CTCFL: variants seen among roughly 807,000 people sequenced by gnomAD.
CTCFL encodes the protein transcriptional repressor CTCFL.
A neutral mutation model predicts 67.4 loss-of-function variants in CTCFL; 36 were observed. That is an observed-to-expected ratio of 0.53 (90% CI 0.41 to 0.71). The LOEUF (loss-of-function observed/expected upper bound fraction) is 0.71, where lower values mean the gene tolerates loss of function less well. Ranked by LOEUF, CTCFL falls within the 30% of genes least tolerant of loss-of-function variation. CTCFL has a pLI of 0.00. For missense variants in CTCFL, 786 were observed against 835.2 expected, an observed-to-expected ratio of 0.94 and a Z score of 0.73; for synonymous variants, 324 against 302.3, an observed-to-expected ratio of 1.07 and a Z score of -0.75.
Position 57,519,037 on chromosome 20 carries a change from T to C in CTCFL, c.926-146A>G, listed in dbSNP as rs58670502. The C allele has an allele frequency of 5.4e-3, 6,392 of 1,187,716 alleles. 260 individuals carry two copies. In the African/African-American group the frequency reaches 0.086, roughly 16 times the overall value. The allele number at this position is 1,187,716 out of a possible 1,614,324, so 73.6% of individuals were successfully genotyped here. Reference sequence around the variant, plus strand: ...TTAAACTATAAATACCACAGATGCATGTGAGAAAAATCTTTGTAACAGTAT... The same window carrying C: ...TTAAACTATAAATACCACAGATGCACGTGAGAAAAATCTTTGTAACAGTAT... On this transcript the variant is annotated intron_variant, in intron 4 of 10. Coordinates refer to ENST00000243914, the MANE Select transcript of CTCFL (RefSeq NM_001386993.1).
chr20:57,521,738 T>A (rs1263929888), intron 3 of CTCFL, among the ~76,000 whole-genome samples: 3 of 152,174 alleles, frequency 2.0e-5, no homozygotes, highest in Non-Finnish European at 4.4e-5. Context: ...TACTTAGCCA[T>A]TAAAAACGAA....
At position 57,518,904 on chromosome 20, in the gene CTCFL, A is replaced by G; in HGVS notation, c.926-13T>C. Reference sequence around the variant, plus strand: ...TAGGGCCTGGTTCCTGTAAAATCACATAGTTCATACTTTCAAAACAAGACT... The same window carrying G: ...TAGGGCCTGGTTCCTGTAAAATCACGTAGTTCATACTTTCAAAACAAGACT... On this transcript the variant is annotated splice_polypyrimidine_tract_variant and intron_variant, in intron 4 of 10. Transcript: ENST00000243914. 1 of 1,607,552 alleles carries G rather than the reference A, an allele frequency of 6.2e-7. No homozygotes were observed. The highest frequency in any genetic ancestry group is 8.5e-7 in the Non-Finnish European group (1 of 1,175,590).
Position 57,512,685 on chromosome 20 carries a change from G to A in CTCFL, c.1398C>T (p.Val466=), listed in dbSNP as rs1459119209. 2 of 1,614,126 alleles carry A rather than the reference G, an allele frequency of 1.2e-6. No homozygotes were observed. Among genetic ancestry groups the A allele is most frequent in the Non-Finnish European group, 1.7e-6 (2 of 1,180,040 alleles). ...GAATGAGGGCATAGCGTTCATGGAA[G>A]ACAGCAGAACAGTAGCGGCATTTCA... ...AELKCRYCSA[V]FHERYALIQH... The change falls in exon 8 of 11, where the codon GTC becomes GTT. Residue 466 remains valine (V), a synonymous_variant. Coordinates refer to ENST00000243914, the MANE Select transcript of CTCFL (RefSeq NM_001386993.1).
chr20:57,498,220 T>C lies in CTCFL; in HGVS notation c.*330A>G. ...GGCCACCTTGCCAATATCAAGTGAA[T>C]GAATCCATAGGTTTGAGGTGTTACC... is the stretch of plus-strand genomic sequence containing the variant. On this transcript the variant is annotated 3_prime_UTR_variant, in exon 11 of 11. Transcript: ENST00000243914. The C allele has an allele frequency of 9.9e-7, 1 of 1,010,270 alleles. No individual in the cohort carries two copies. 62.6% of individuals were successfully genotyped at this position (1,010,270 alleles called of 1,614,324 possible). A position where few individuals can be genotyped will look rare whatever the true frequency, so the allele number is the denominator to read the frequency against.
rs551726246 is a variant in CTCFL, at chr20:57,517,568, G to A, written c.1059+1190C>T. On this transcript the variant is annotated intron_variant, in intron 5 of 10. Transcript: ENST00000243914. ...GCTGGGATTGCAGGCGTGAGCCACC[G>A]CGCCCGGCCAATTCAAAAGCTTTTT... is the stretch of plus-strand genomic sequence containing the variant. Among the ~76,000 whole-genome samples the A allele has an allele frequency of 5.7e-4, 87 of 152,144 alleles. 1 individual carries two copies. The highest frequency in any genetic ancestry group is 1.1e-3 in the Non-Finnish European group (74 of 67,982).
intron 9 of CTCFL, chr20:57,507,156 G>A: frequency 3.7e-6 from 2 of 540,052 alleles, no homozygotes; most frequent in Non-Finnish European, 4.8e-6. Context: ...AGTGTGGGTG[G>A]GACTTCATGG....
At chr20:57,502,561 G>A (rs988748540) in intron 10 of CTCFL, among the ~76,000 whole-genome samples, 1 of 152,132 alleles carries the variant, frequency 6.6e-6, no homozygotes, top group East Asian at 1.9e-4. Context: ...ATTTGCTTGT[G>A]CCGTAAAAGT....
intron 5 of CTCFL, among the ~76,000 whole-genome samples, chr20:57,517,043 G>A (rs1600670529): frequency 1.3e-5 from 2 of 152,134 alleles, no homozygotes; most frequent in South Asian, 2.1e-4. Context: ...AGGAACACTC[G>A]AGAACAAAAG....
intron 10 of CTCFL, among the ~76,000 whole-genome samples, chr20:57,501,059 T>C (rs1029335318): frequency 2.0e-5 from 3 of 152,266 alleles, no homozygotes; most frequent in Non-Finnish European, 4.4e-5. Context: ...TGGGTCAAAT[T>C]TCACCGGTCT....
chr20:57,508,934 A>T, intron 8 of CTCFL, 146 bp from the exon 9 acceptor site: 1 of 759,854 alleles, frequency 1.3e-6, no homozygotes. Context: ...ATTCTGAACA[A>T]GGCAGCATTC....
intron 9 of CTCFL, chr20:57,507,043 G>GC (rs1395964051): frequency 2.0e-6 from 2 of 986,190 alleles, no homozygotes; most frequent in African/African-American, 3.5e-5. Context: ...TTAGGCTGAA[G>GC]CCTACATGGT....
chr20:57,524,081 C>T lies in CTCFL; in HGVS notation c.125G>A (p.Arg42Gln), dbSNP rs572527047. The T allele has an allele frequency of 8.7e-6, 14 of 1,613,694 alleles. No homozygotes were observed. Among genetic ancestry groups the T allele is most frequent in the Middle Eastern group, 1.6e-4 (1 of 6,062 alleles). Residue 42 changes from arginine (R) to glutamine (Q), a missense_variant, in exon 2 of 11, where the codon CGG (arginine) becomes CAG (glutamine). By Grantham distance (43) the Arg-to-Gln change is conservative (BLOSUM62 1). Coordinates refer to ENST00000243914, the MANE Select transcript of CTCFL (RefSeq NM_001386993.1). The part of the protein sequence containing the change: ...KDGVCREKDH[R>Q]SPSELEAERT... ...CTCGGCCTCCAACTCACTAGGGCTCCGATGGTCTTTCTCTCTGCACACTCC... is the reference window on the plus strand; with the variant it reads ...CTCGGCCTCCAACTCACTAGGGCTCTGATGGTCTTTCTCTCTGCACACTCC...
intron 8 of CTCFL, among the ~76,000 whole-genome samples, chr20:57,511,756 T>C (rs56394868): frequency 0.049 from 7,441 of 152,100 alleles, 606 homozygotes; most frequent in African/African-American, 0.17. Flanking sequence ...CACGCCCAAC[T>C]AATTTTTGTA....
At chr20:57,506,731 GAC>G in intron 9 of CTCFL, 1 of 924,066 alleles carries the variant, frequency 1.1e-6, no homozygotes, top group Non-Finnish European at 1.3e-6. Flanking sequence ...TGTTCTGAGG[GAC>G]TGCATGAGGC....
At position 57,500,186 on chromosome 20, in the gene CTCFL, C is replaced by T. The variant is rs1477881861; in HGVS notation, c.1841-1485G>A. ...ATCCACAAAACTGGTGCCATCAGGC[C>T]AGGCACAGGGGCTCATGCCTGTAAT... On this transcript the variant is annotated intron_variant, in intron 10 of 10. Coordinates refer to ENST00000243914, the MANE Select transcript of CTCFL (RefSeq NM_001386993.1). The T allele has an allele frequency of 2.6e-5, 26 of 992,180 alleles. No individual in the cohort carries two copies. In the South Asian group the frequency reaches 9.5e-4, roughly 36 times the overall value. 61.5% of individuals were successfully genotyped at this position (992,180 alleles called of 1,614,324 possible).
In CTCFL at chr20:57,523,092, T is replaced by C; in HGVS notation, c.730A>G (p.Thr244Ala). 2 of 1,613,686 alleles carry C rather than the reference T, an allele frequency of 1.2e-6. No individual in the cohort carries two copies. Among genetic ancestry groups the C allele is most frequent in the Non-Finnish European group, 1.7e-6 (2 of 1,179,856 alleles). ...GQADAEKAKS[T>A]KNQRKTKGAK... ...CCCTTTGTCTTTCTTTGATTTTTTG[T>C]AGATTTGGCCTTTTCAGCATCTGCT... is the stretch of plus-strand genomic sequence containing the variant. Residue 244 changes from threonine to alanine, a missense_variant, in exon 3 of 11, where the codon ACA (threonine) becomes GCA (alanine). Transcript: ENST00000243914.
intron 9 of CTCFL, chr20:57,507,416 T>G: frequency 1.6e-6 from 1 of 612,428 alleles, no homozygotes. Flanking sequence ...CAGGCTGGTC[T>G]TGAGCTCCTG....
At chr20:57,515,966 A>G in intron 5 of CTCFL, 132 bp from the exon 6 acceptor site, 1 of 1,047,544 alleles carries the variant, frequency 9.5e-7, no homozygotes, top group Non-Finnish European at 1.4e-6. Context: ...TATTTCACTC[A>G]CTGAAAAAAC....
At position 57,498,674 on chromosome 20, in the gene CTCFL, G is replaced by A. The variant is rs780325284; in HGVS notation, c.1868C>T (p.Thr623Met). The change falls in exon 11 of 11, where the codon ACG becomes ATG. Residue 623 changes from threonine to methionine, a missense_variant. This residue lies in a region of CTCFL where 199 missense variants were observed against 196.7 expected (regional missense o/e 1.01). Transcript: ENST00000243914. ...DEAAAEEAST[T>M]KGEQFPGEMF... ...CTCTCCTGGGAACTGTTCTCCCTTC[G>A]TGGTGGAAGCCTCCTCAGCAGCAGC... 13 of 1,613,674 alleles carry A rather than the reference G, an allele frequency of 8.1e-6. No homozygotes were observed. Among genetic ancestry groups the A allele is most frequent in the Middle Eastern group, 1.6e-4 (1 of 6,084 alleles).
Sources: allele counts gnomAD v4.1 joint callset (sites outside exome capture counted in the v4.1 genomes callset), GRCh38; gene constraint gnomAD v4.1.1; regional missense constraint gnomAD v4.1.1; transcripts MANE v1.5; gene names NCBI Gene and HGNC (gene_info 2026-07-23, HGNC 2026-07-21).